NR2C1: variants seen among roughly 807,000 people sequenced by gnomAD.
NR2C1 encodes TR2 nuclear hormone receptor.
Under a neutral mutation model 74.8 loss-of-function variants are expected in NR2C1, and 33 were observed. That is an observed-to-expected ratio of 0.44 (90% CI 0.33 to 0.59). The LOEUF is 0.59. Ranked by LOEUF, NR2C1 falls within the 20% of genes least tolerant of loss-of-function variation. NR2C1 has a pLI of 0.02. For synonymous variants in NR2C1, 225 were observed against 240.6 expected (o/e 0.94, Z 0.60); for missense variants, 568 against 715.6 (o/e 0.79, Z 2.35).
At chr12:95,040,699 ATATATTCACAAAAAAAG>A in intron 9 of NR2C1, 102 bp from the exon 10 acceptor site, 1 of 1,054,484 alleles carries the variant, frequency 9.5e-7, no homozygotes, top group South Asian at 2.4e-5. Flanking sequence ...ATGAGAGCTA[ATATATTCACAAAAAAAG>A]CTAATCTTGA....
At chr12:95,070,498 T>G (rs1166766847) in intron 1 of NR2C1, among the ~76,000 whole-genome samples, 1 of 152,168 alleles carries the variant, frequency 6.6e-6, no homozygotes, top group Non-Finnish European at 1.5e-5. Flanking sequence ...AGAAAAGTAA[T>G]TTGCCAATGT....
At chr12:95,051,260 A>G (rs1311021224) in intron 8 of NR2C1, among the ~76,000 whole-genome samples, 1 of 152,196 alleles carries the variant, frequency 6.6e-6, no homozygotes, top group Non-Finnish European at 1.5e-5. Context: ...TGCAGTCAAA[A>G]AGCAGGTGTA....
At chr12:95,061,555 G>GT (rs1415006130) in intron 3 of NR2C1, among the ~76,000 whole-genome samples, 65 of 152,262 alleles carry the variant, frequency 4.3e-4, no homozygotes, top group African/African-American at 1.5e-3. Flanking sequence ...ATCTGTGACT[G>GT]TATCCACTTT....
intron 4 of NR2C1, among the ~76,000 whole-genome samples, chr12:95,059,446 C>T (rs1022768058): frequency 1.5e-4 from 23 of 151,944 alleles, no homozygotes; most frequent in Non-Finnish European, 3.2e-4. Flanking sequence ...GGGGCTTACA[C>T]CTGTAATCCC....
At chr12:95,072,279 C>CAAAAAAA (rs1023540965) in intron 1 of NR2C1, among the ~76,000 whole-genome samples, 3 of 141,238 alleles carry the variant, frequency 2.1e-5, no homozygotes, top group African/African-American at 7.7e-5. Flanking sequence ...ATACAAAAAA[C>CAAAAAAA]AAAAACAAAA....
chr12:95,031,540 T>C (rs1870109038), intron 10 of NR2C1, 52 bp from the exon 11 acceptor site: 1 of 1,425,548 alleles, frequency 7.0e-7, no homozygotes, highest in Non-Finnish European at 9.4e-7. Context: ...AAATAAGTTT[T>C]ATAAACCTTA....
Position 95,062,467 on chromosome 12 carries a change from T to C in NR2C1, c.285+41A>G, listed in dbSNP as rs747099487. The C allele has an allele frequency of 5.7e-5, 79 of 1,385,546 alleles. No individual in the cohort carries two copies. In the South Asian group the frequency reaches 1.0e-3, roughly 18 times the overall value. The allele number at this position is 1,385,546 out of a possible 1,614,324, so 85.8% of individuals were successfully genotyped here. A position where few individuals can be genotyped will look rare whatever the true frequency, so the allele number is the denominator to read the frequency against. On this transcript the variant is annotated intron_variant, in intron 3 of 13. Transcript: ENST00000333003. ...AGGGCTTATGATTAAAATTTTTTTTTTATATATGTAAGAGGAAAAGACACT... is the reference window on the plus strand; with the variant it reads ...AGGGCTTATGATTAAAATTTTTTTTCTATATATGTAAGAGGAAAAGACACT...
intron 11 of NR2C1, chr12:95,030,741 T>A: frequency 6.2e-7 from 1 of 1,607,608 alleles, no homozygotes. Flanking sequence ...ATTCCTGAGC[T>A]CAAAAGGCAA....
intron 7 of NR2C1, among the ~76,000 whole-genome samples, chr12:95,052,661 C>A (rs950022964): frequency 2.0e-5 from 3 of 151,922 alleles, no homozygotes; most frequent in African/African-American, 7.2e-5. Flanking sequence ...CTGTGTTGCC[C>A]AGGCTGGTCT....
rs545514084 is a variant in NR2C1 at position 95,049,440 on chromosome 12, T to C, written c.966-207A>G. 9 of 417,260 alleles carry C rather than the reference T, an allele frequency of 2.2e-5. No homozygotes were observed. In the East Asian group the frequency reaches 2.8e-4, roughly 13 times the overall value. The allele number at this position is 417,260 out of a possible 1,614,324, so 25.8% of individuals were successfully genotyped here. A position where few individuals can be genotyped will look rare whatever the true frequency, so the allele number is the denominator to read the frequency against. ...GGCCTAAAGTCTCTTTTTAAAATCT[T>C]GCATAATTAAGGGGGAGAAGCATCT... On this transcript the variant is annotated intron_variant, in intron 8 of 13. Transcript: ENST00000333003.
chr12:95,034,696 T>C (rs541613752), intron 10 of NR2C1, among the ~76,000 whole-genome samples: 13 of 152,344 alleles, frequency 8.5e-5, no homozygotes, highest in Non-Finnish European at 1.8e-4. Flanking sequence ...TGGACACTTC[T>C]CTATGTTTAG....
intron 1 of NR2C1, among the ~76,000 whole-genome samples, chr12:95,068,052 G>C (rs535031197): frequency 6.6e-6 from 1 of 151,962 alleles, no homozygotes; most frequent in East Asian, 1.9e-4. Flanking sequence ...TAATTTTTTT[G>C]TATTTTTAGT....
chr12:95,036,600 T>C (rs1232454389), intron 10 of NR2C1, among the ~76,000 whole-genome samples: 2 of 151,680 alleles, frequency 1.3e-5, no homozygotes, highest in Non-Finnish European at 2.9e-5. Context: ...AACCTCCGTC[T>C]CCTGGATTCA....
chr12:95,026,207 CAAA>C (rs757466478), intron 12 of NR2C1, among the ~76,000 whole-genome samples: 4 of 98,702 alleles, frequency 4.1e-5, no homozygotes, highest in Non-Finnish European at 2.2e-5. Context: ...ACTCCGTCTC[CAAA>C]AAAAAAAAAA....
intron 4 of NR2C1, among the ~76,000 whole-genome samples, chr12:95,059,421 T>G (rs1022990464): frequency 6.6e-6 from 1 of 151,684 alleles, no homozygotes; most frequent in Non-Finnish European, 1.5e-5. Context: ...ATAAAGAACT[T>G]TGGGACCGGG....
intron 7 of NR2C1, among the ~76,000 whole-genome samples, chr12:95,056,912 CTG>C (rs1873978101): frequency 6.8e-6 from 1 of 147,912 alleles, no homozygotes; most frequent in Non-Finnish European, 1.5e-5. Flanking sequence ...TGAGCCGAGA[CTG>C]TGCCACTGCA....
chr12:95,034,800 C>A (rs1870606609), intron 10 of NR2C1, among the ~76,000 whole-genome samples: 1 of 152,092 alleles, frequency 6.6e-6, no homozygotes, highest in Admixed American at 6.6e-5. Flanking sequence ...AGCCTAGGAG[C>A]ACTAGGCTGT....
At chr12:95,061,355 TTAA>T (rs1477127811) in intron 3 of NR2C1, among the ~76,000 whole-genome samples, 1 of 152,226 alleles carries the variant, frequency 6.6e-6, no homozygotes, top group Admixed American at 6.5e-5. Flanking sequence ...ATGTAAAATG[TTAA>T]TAATAGGGGA....
At chr12:95,060,228 G>A (rs900634687) in intron 3 of NR2C1, among the ~76,000 whole-genome samples, 2 of 152,104 alleles carry the variant, frequency 1.3e-5, no homozygotes, top group African/African-American at 4.8e-5. Context: ...TAGAAAAGGG[G>A]CTATAAATAA....
Sources: allele counts gnomAD v4.1 joint callset (sites outside exome capture counted in the v4.1 genomes callset), GRCh38; gene constraint gnomAD v4.1.1; transcripts MANE v1.5; gene names NCBI Gene and HGNC (gene_info 2026-07-23, HGNC 2026-07-21).